ERCC6: variants seen among roughly 807,000 people sequenced by gnomAD.
The protein encoded by ERCC6 is DNA excision repair protein ERCC-6.
In ERCC6, 116 loss-of-function variants were observed where a neutral mutation model predicts 158.7. The observed-to-expected ratio is 0.73, with a 90% CI of 0.63 to 0.85. ERCC6 has a LOEUF of 0.85. Among genes scored for constraint, ERCC6 ranks in the 40% least tolerant of loss-of-function variants. The pLI is 0.00. For synonymous variants in ERCC6, 678 were observed against 659.3 expected, an observed-to-expected ratio of 1.03 and a Z score of -0.43; for missense variants, 1,698 against 1,799.4, an observed-to-expected ratio of 0.94 and a Z score of 1.02.
chr10:49,484,196 C>T (rs887595913), intron 8 of ERCC6, among the ~76,000 whole-genome samples: 1 of 150,926 alleles, frequency 6.6e-6, no homozygotes, highest in Non-Finnish European at 1.5e-5. Context: ...TGGGAGGATC[C>T]CTTGAGCCCA....
intron 8 of ERCC6, among the ~76,000 whole-genome samples, chr10:49,483,985 T>A (rs982868038): frequency 6.6e-6 from 1 of 151,666 alleles, no homozygotes; most frequent in African/African-American, 2.4e-5. Flanking sequence ...GATTTTAAAA[T>A]GATAGAAAAA....
chr10:49,481,432 T>G (rs910775437), intron 10 of ERCC6, among the ~76,000 whole-genome samples: 3 of 152,218 alleles, frequency 2.0e-5, no homozygotes, highest in Non-Finnish European at 4.4e-5. Flanking sequence ...AAATGTAAAA[T>G]ATATTAAAAT....
intron 7 of ERCC6, among the ~76,000 whole-genome samples, chr10:49,497,009 T>A (rs1423627447): frequency 6.6e-6 from 1 of 152,184 alleles, no homozygotes; most frequent in Non-Finnish European, 1.5e-5. Context: ...ATAACCTATG[T>A]CCACTTTGAA....
At chr10:49,537,342 C>CAA (rs368235215) in intron 1 of ERCC6, among the ~76,000 whole-genome samples, 1,376 of 86,620 alleles carry the variant, frequency 0.016, 28 homozygotes, top group African/African-American at 0.046. Context: ...GACTCCGTCT[C>CAA]AAAAAAAAAA....
At chr10:49,473,992 C>G (rs778202159) in intron 13 of ERCC6, 35 bp downstream of exon 13, 2 of 1,579,082 alleles carry the variant, frequency 1.3e-6, no homozygotes, top group Non-Finnish European at 1.7e-6. Context: ...TCATAAAGAA[C>G]CAGCCTGTTT....
chr10:49,462,853 G>C (rs574754418), intron 18 of ERCC6, among the ~76,000 whole-genome samples: 7 of 152,194 alleles, frequency 4.6e-5, no homozygotes, highest in Non-Finnish European at 8.8e-5. Flanking sequence ...ACAACTGCTC[G>C]TGACAATTCA....
At chr10:49,502,735 A>G (rs949694108) in intron 6 of ERCC6, 3 of 152,168 alleles carry the variant, frequency 2.0e-5, no homozygotes, top group African/African-American at 7.2e-5. Context: ...GTCTAAAGAC[A>G]TTTTTGTTAC....
the ERCC6 span, among the ~76,000 whole-genome samples, chr10:49,444,150 G>C: frequency 6.6e-6 from 1 of 152,152 alleles, no homozygotes; most frequent in Admixed American, 6.5e-5. Context: ...GCCATGCAGA[G>C]ACCTTTGTCT....
chr10:49,440,440 A>C, the ERCC6 span, among the ~76,000 whole-genome samples: 1 of 152,178 alleles, frequency 6.6e-6, no homozygotes, highest in African/African-American at 2.4e-5. Flanking sequence ...CAACACATGG[A>C]AATTCTGGGA....
intron 18 of ERCC6, among the ~76,000 whole-genome samples, chr10:49,464,498 G>T (rs117992505): frequency 6.6e-6 from 1 of 152,216 alleles, no homozygotes; most frequent in Non-Finnish European, 1.5e-5. Context: ...TTTGCATTAC[G>T]TAACGAGGAG....
intron 18 of ERCC6, 69 bp from the exon 19 acceptor site, chr10:49,461,625 A>G (rs971106021): frequency 4.1e-6 from 6 of 1,474,888 alleles, no homozygotes; most frequent in African/African-American, 1.4e-5. Flanking sequence ...TCTCCTCTGT[A>G]TAAGTACAGT....
intron 5 of ERCC6, chr10:49,516,740 T>C (rs148587807): frequency 6.2e-7 from 1 of 1,614,148 alleles, no homozygotes; most frequent in East Asian, 2.2e-5. Flanking sequence ...TAACTCTACC[T>C]GCTACGGGTT....
Position 49,457,324 on chromosome 10 carries a change from A to C in ERCC6, c.*1491T>G, listed in dbSNP as rs976983151. ...CTTCTTCCCTCATTATATATAAACC[A>C]AACTAAAAACAAAAGAAATGAACAA... On this transcript the variant is annotated 3_prime_UTR_variant, in exon 21 of 21. Coordinates refer to ENST00000355832, the MANE Select transcript of ERCC6 (RefSeq NM_000124.4). The C allele has an allele frequency of 1.1e-4, 17 of 152,218 alleles. No individual in the cohort carries two copies. The highest frequency in any genetic ancestry group is 4.1e-4 in the African/African-American group (17 of 41,454). The allele number at this position is 152,218 out of a possible 1,614,324, so 9.4% of individuals were successfully genotyped here.
Position 49,470,269 on chromosome 10 carries a change from A to G in ERCC6, c.3691T>C (p.Tyr1231His). The change falls in exon 18 of 21, where the codon TAC becomes CAC. Residue 1231 changes from tyrosine to histidine, a missense_variant. Transcript: ENST00000355832. ...RIPHLVKKRR[Y>H]QKQDSENKSE... ...TTGTTTTCACTGTCTTGCTTCTGGT[A>G]ACGCCTTTTCTTCACCAGGTGTGGA... The G allele has an allele frequency of 6.2e-7, 1 of 1,614,080 alleles. No individual in the cohort carries two copies. Among genetic ancestry groups the G allele is most frequent in the Non-Finnish European group, 8.5e-7 (1 of 1,179,994 alleles).
intron 5 of ERCC6, among the ~76,000 whole-genome samples, chr10:49,520,154 C>T (rs1374796935): frequency 6.6e-6 from 1 of 152,244 alleles, no homozygotes; most frequent in African/African-American, 2.4e-5. Context: ...ATAAGACTGA[C>T]TTATTTCCAT....
At chr10:49,525,391 A>G (rs1837291446) in intron 4 of ERCC6, among the ~76,000 whole-genome samples, 1 of 152,226 alleles carries the variant, frequency 6.6e-6, no homozygotes, top group South Asian at 2.1e-4. Flanking sequence ...AATGGCTACT[A>G]TAATGGGCAA....
At chr10:49,502,290 A>G (rs1261096092) in intron 6 of ERCC6, 1 of 152,244 alleles carries the variant, frequency 6.6e-6, no homozygotes, top group East Asian at 1.9e-4. Flanking sequence ...CTGCTTATTA[A>G]GTTTGCTAAT....
At chr10:49,530,268 T>C (rs533205380) in intron 3 of ERCC6, among the ~76,000 whole-genome samples, 49 of 152,324 alleles carry the variant, frequency 3.2e-4, no homozygotes, top group African/African-American at 1.1e-3. Context: ...CAACTTATCA[T>C]GGTCTGACTT....
At chr10:49,519,059 C>CT (rs1837071999) in intron 5 of ERCC6, among the ~76,000 whole-genome samples, 1 of 152,212 alleles carries the variant, frequency 6.6e-6, no homozygotes, top group African/African-American at 2.4e-5. Flanking sequence ...CTTGCCAGGT[C>CT]TTCTAGACTC....
Sources: gnomAD v4.1 joint callset for allele counts (sites outside exome capture counted in the v4.1 genomes callset) on GRCh38, gnomAD v4.1.1 for gene constraint, MANE v1.5 for transcripts, NCBI Gene and HGNC (gene_info 2026-07-23, HGNC 2026-07-21) for gene names.